UBE3D: variants seen among roughly 807,000 people sequenced by gnomAD.
The protein encoded by UBE3D is ubiquitin protein ligase E3D.
UBE3D carries 48 observed loss-of-function variants against 49.6 expected under a neutral mutation model. The observed-to-expected ratio is 0.97, with a 90% confidence interval of 0.77 to 1.23. UBE3D has a LOEUF of 1.23. Ranked by LOEUF, UBE3D falls within the 50% of genes most tolerant of loss-of-function variation. UBE3D has a pLI of 0.00. For synonymous variants in UBE3D, 189 were observed against 174.2 expected (o/e 1.08, Z -0.67); for missense variants, 452 against 468.4 (o/e 0.96, Z 0.32).
chr6:82,904,803 A>C (rs1251287608), intron 9 of UBE3D, among the ~76,000 whole-genome samples: 4 of 152,230 alleles, frequency 2.6e-5, no homozygotes, highest in Admixed American at 6.5e-5. Flanking sequence ...CCTAAGTAAC[A>C]AAACATCTAC....
chr6:83,049,831 G>A, intron 3 of UBE3D: 4 of 470,116 alleles, frequency 8.5e-6, no homozygotes, highest in South Asian at 6.2e-5. Context: ...TCACATATGA[G>A]ATGAATTTAT....
At chr6:82,902,198 T>C (rs1771788292) in intron 9 of UBE3D, among the ~76,000 whole-genome samples, 1 of 152,228 alleles carries the variant, frequency 6.6e-6, no homozygotes, top group Non-Finnish European at 1.5e-5. Flanking sequence ...AGGAGGGGAC[T>C]ATGAGAGTAG....
chr6:82,919,737 A>C (rs1348952501), intron 9 of UBE3D, among the ~76,000 whole-genome samples: 3 of 152,238 alleles, frequency 2.0e-5, no homozygotes, highest in Non-Finnish European at 4.4e-5. Context: ...GCATAGAGGA[A>C]GTAAAATCAC....
intron 9 of UBE3D, among the ~76,000 whole-genome samples, chr6:82,895,838 A>G (rs1211478511): frequency 6.6e-6 from 1 of 152,232 alleles, no homozygotes; most frequent in African/African-American, 2.4e-5. Context: ...AGAGGCTTAG[A>G]GACTTCCAAT....
At chr6:82,999,160 G>A (rs1351614211) in intron 8 of UBE3D, among the ~76,000 whole-genome samples, 2 of 152,064 alleles carry the variant, frequency 1.3e-5, no homozygotes, top group African/African-American at 4.8e-5. Context: ...GCCATCAGAG[G>A]ACAAGTATTT....
intron 9 of UBE3D, among the ~76,000 whole-genome samples, chr6:82,924,309 C>T (rs1010820821): frequency 2.6e-5 from 4 of 151,962 alleles, no homozygotes; most frequent in East Asian, 1.9e-4. Flanking sequence ...TTGATATGAA[C>T]GTTTTAGAGA....
chr6:83,041,860 G>A (rs1782692655), intron 4 of UBE3D, among the ~76,000 whole-genome samples: 1 of 152,150 alleles, frequency 6.6e-6, no homozygotes, highest in South Asian at 2.1e-4. Flanking sequence ...GTGAAGCCTT[G>A]AATAATATTT....
Position 82,992,266 on chromosome 6 carries a change from G to A in UBE3D, c.1010+26707C>T, listed in dbSNP as rs150503204. ...GAGATGGAGTCTCGCTCTGTTGCCC[G>A]GGCTGGAGTGGAATGGCACGATCTC... On this transcript the variant is annotated intron_variant, in intron 8 of 9. Coordinates refer to ENST00000369747, the MANE Select transcript of UBE3D (RefSeq NM_198920.3). Among the ~76,000 whole-genome samples, 88 of 138,210 alleles carry A rather than the reference G, an allele frequency of 6.4e-4. 1 individual carries two copies. The highest frequency in any genetic ancestry group is 2.0e-3 in the African/African-American group (74 of 36,886). The allele number at this position is 138,210 out of a possible 152,430, so 90.7% of individuals were successfully genotyped here.
At chr6:82,913,382 G>A (rs1191519333) in intron 9 of UBE3D, among the ~76,000 whole-genome samples, 1 of 152,188 alleles carries the variant, frequency 6.6e-6, no homozygotes, top group Non-Finnish European at 1.5e-5. Context: ...GAAAAGGAAT[G>A]ACAGGGTTAA....
At position 83,044,572 on chromosome 6, in the gene UBE3D, A is replaced by G; in HGVS notation, c.453T>C (p.Asn151=). Residue 151 remains asparagine, a synonymous_variant, in exon 4 of 10, where the codon AAT becomes AAC. Transcript: ENST00000369747. ...CATTCTCTTGCGGATGAAGTGATTT[A>G]TTAGCAAAGGGGTCAGGATGACAAC... The part of the protein sequence containing the change: ...EWCCHPDPFA[N]KSLHPQENDC... The G allele has an allele frequency of 6.2e-7, 1 of 1,614,192 alleles. No individual in the cohort carries two copies.
At chr6:82,993,115 C>CG (rs938687468) in intron 8 of UBE3D, among the ~76,000 whole-genome samples, 28 of 146,140 alleles carry the variant, frequency 1.9e-4, no homozygotes, top group African/African-American at 6.1e-4. Context: ...GAAACGGGGT[C>CG]GGGGGGGAGA....
chr6:83,006,771 A>G (rs1780010816), intron 8 of UBE3D, among the ~76,000 whole-genome samples: 1 of 152,184 alleles, frequency 6.6e-6, no homozygotes, highest in African/African-American at 2.4e-5. Flanking sequence ...TGAGTGGGAA[A>G]GAGGGTTGTG....
chr6:82,911,196 C>CAAAAAA (rs1156620624), intron 9 of UBE3D, among the ~76,000 whole-genome samples: 603 of 39,316 alleles, frequency 0.015, 53 homozygotes, highest in Non-Finnish European at 0.02. Context: ...AACATTTTGG[C>CAAAAAA]AAAAAAAAAA....
At chr6:83,002,680 G>A (rs146140515) in intron 8 of UBE3D, among the ~76,000 whole-genome samples, 1,528 of 152,314 alleles carry the variant, frequency 0.01, 24 homozygotes, top group African/African-American at 0.034. Context: ...GTGAGACTCC[G>A]TCACAAACAA....
At position 82,923,606 on chromosome 6, in the gene UBE3D, C is replaced by T. The variant is rs6919865; in HGVS notation, c.1150-30564G>A. Among the ~76,000 whole-genome samples the T allele has an allele frequency of 4.0e-3, 614 of 152,238 alleles. 8 individuals are homozygous for T. The highest frequency in any genetic ancestry group is 0.013 in the African/African-American group (553 of 41,532). On this transcript the variant is annotated intron_variant, in intron 9 of 9. Coordinates refer to ENST00000369747, the MANE Select transcript of UBE3D (RefSeq NM_198920.3). ...GGGAGGGATAACATTAGGAGAAATA[C>T]CTAATGTAGGTGACGGGTTGATTGG...
At chr6:82,894,005 C>A (rs1771125784) in intron 9 of UBE3D, 1 of 152,126 alleles carries the variant, frequency 6.6e-6, no homozygotes, top group South Asian at 2.1e-4. Context: ...GCTGAGTTTC[C>A]ATATCAACTT....
At chr6:83,002,420 C>G (rs1779693500) in intron 8 of UBE3D, among the ~76,000 whole-genome samples, 1 of 152,152 alleles carries the variant, frequency 6.6e-6, no homozygotes, top group Admixed American at 6.5e-5. Context: ...CGTGTTGGCT[C>G]ACCCCTGTAA....
rs975903391 is a variant in UBE3D at position 82,933,453 on chromosome 6, T to C, written c.1149+23859A>G. The stretch of plus-strand genomic sequence containing the variant: ...CCTGTAGAAAGCACTCTGCAATTTG[T>C]GGACTAAACCACTGACAACATTTAG... On this transcript the variant is annotated intron_variant, in intron 9 of 9. Coordinates refer to ENST00000369747, the MANE Select transcript of UBE3D (RefSeq NM_198920.3). Among the ~76,000 whole-genome samples the C allele has an allele frequency of 5.3e-5, 8 of 152,360 alleles. No homozygotes were observed. The South Asian group carries it at 1.7e-3, about 32-fold the overall frequency.
At chr6:82,943,927 C>A (rs1342256448) in intron 9 of UBE3D, among the ~76,000 whole-genome samples, 1 of 152,146 alleles carries the variant, frequency 6.6e-6, no homozygotes, top group African/African-American at 2.4e-5. Context: ...AGGGAGCATG[C>A]AGATCAACCC....
Sources: gnomAD v4.1 joint callset for allele counts (sites outside exome capture counted in the v4.1 genomes callset) on GRCh38, gnomAD v4.1.1 for gene constraint, MANE v1.5 for transcripts, NCBI Gene and HGNC (gene_info 2026-07-23, HGNC 2026-07-21) for gene names.